The following CPHXL2 variants were observed in gnomAD, a reference collection of about 807,000 sequenced individuals.
The protein encoded by CPHXL2 is cytoplasmic polyadenylated homeobox like 2.
the CPHXL2 span, among the ~76,000 whole-genome samples, chr16:75,674,574 T>G: frequency 1.9e-3 from 289 of 152,218 alleles, 1 homozygote; most frequent in Non-Finnish European, 3.1e-3. Flanking sequence ...GCTAACTGCT[T>G]TGGAGAAATT....
At chr16:75,667,993 A>G in the CPHXL2 span, among the ~76,000 whole-genome samples, 1 of 152,116 alleles carries the variant, frequency 6.6e-6, no homozygotes. Context: ...CTACAGTCTC[A>G]TTAGTCCCAT....
the CPHXL2 span, among the ~76,000 whole-genome samples, chr16:75,670,727 G>A: frequency 6.6e-5 from 10 of 152,168 alleles, no homozygotes; most frequent in Non-Finnish European, 7.4e-5. Flanking sequence ...CAACTCTTGA[G>A]CTCAAGTGAT....
chr16:75,672,934 AG>A, the CPHXL2 span, among the ~76,000 whole-genome samples: 1 of 151,964 alleles, frequency 6.6e-6, no homozygotes, highest in African/African-American at 2.4e-5. Flanking sequence ...AAAACAAATT[AG>A]CATGTGTGGT....
chr16:75,666,821 A>G, the CPHXL2 span, among the ~76,000 whole-genome samples: 1 of 152,188 alleles, frequency 6.6e-6, no homozygotes, highest in Non-Finnish European at 1.5e-5. Context: ...GATAGACCAT[A>G]TGATAGGTCA....
the CPHXL2 span, among the ~76,000 whole-genome samples, chr16:75,672,727 C>A: frequency 6.6e-6 from 1 of 152,094 alleles, no homozygotes; most frequent in Non-Finnish European, 1.5e-5. Context: ...TAGGATCAAG[C>A]AATCCTCCTG....
At chr16:75,668,693 C>A in the CPHXL2 span, among the ~76,000 whole-genome samples, 1 of 151,938 alleles carries the variant, frequency 6.6e-6, no homozygotes, top group South Asian at 2.1e-4. Context: ...CTTACAAGAC[C>A]TAATACCTAA....
the CPHXL2 span, chr16:75,660,852 T>G: frequency 5.0e-6 from 2 of 398,576 alleles, no homozygotes; most frequent in Non-Finnish European, 8.8e-6. Flanking sequence ...ACCTCCATAC[T>G]CCAAAGCATA....
At chr16:75,674,134 G>A in the CPHXL2 span, among the ~76,000 whole-genome samples, 2 of 151,584 alleles carry the variant, frequency 1.3e-5, no homozygotes, top group African/African-American at 4.8e-5. Flanking sequence ...AGCACTTTGG[G>A]AGGCCAAGGG....
chr16:75,675,765 G>A, the CPHXL2 span, among the ~76,000 whole-genome samples: 67 of 152,252 alleles, frequency 4.4e-4, 1 homozygote, highest in Admixed American at 4.1e-3. Context: ...GACAAATACA[G>A]TGGTGGGGCA....
chr16:75,664,374 C>T, the CPHXL2 span, among the ~76,000 whole-genome samples: 1 of 152,034 alleles, frequency 6.6e-6, no homozygotes, highest in Non-Finnish European at 1.5e-5. Flanking sequence ...GCCTGTAATC[C>T]CAGCACTTTT....
chr16:75,665,688 C>A, the CPHXL2 span, among the ~76,000 whole-genome samples: 7 of 152,278 alleles, frequency 4.6e-5, no homozygotes, highest in African/African-American at 1.7e-4. Flanking sequence ...CATGGCGAAA[C>A]CCCAATTCTA....
At chr16:75,662,807 T>TC in the CPHXL2 span, among the ~76,000 whole-genome samples, 1 of 149,486 alleles carries the variant, frequency 6.7e-6, no homozygotes, top group African/African-American at 2.5e-5. Flanking sequence ...TTTTTTTTTT[T>TC]TTTTTTTTTG....
At chr16:75,673,885 T>C in the CPHXL2 span, among the ~76,000 whole-genome samples, 1 of 150,006 alleles carries the variant, frequency 6.7e-6, no homozygotes, top group Non-Finnish European at 1.5e-5. Context: ...GAGGCTGAGG[T>C]TGGAGGATCA....
the CPHXL2 span, among the ~76,000 whole-genome samples, chr16:75,671,895 A>G: frequency 6.6e-6 from 1 of 152,192 alleles, no homozygotes; most frequent in Non-Finnish European, 1.5e-5. Flanking sequence ...GCAGCCATGT[A>G]AGGATGGCTT....
At chr16:75,665,826 C>T in the CPHXL2 span, among the ~76,000 whole-genome samples, 13 of 152,196 alleles carry the variant, frequency 8.5e-5, no homozygotes, top group African/African-American at 3.1e-4. Flanking sequence ...GACTGCACCA[C>T]TGCACTCCAG....
At chr16:75,666,642 TC>T in the CPHXL2 span, among the ~76,000 whole-genome samples, 1 of 141,108 alleles carries the variant, frequency 7.1e-6, no homozygotes, top group Non-Finnish European at 1.5e-5. Context: ...ATGGAGGACA[TC>T]AATACTTCAC....
At chr16:75,673,075 C>CAAAAAAAAAAAAAAAAAAAA in the CPHXL2 span, among the ~76,000 whole-genome samples, 2 of 73,172 alleles carry the variant, frequency 2.7e-5, no homozygotes, top group Non-Finnish European at 2.5e-5. Context: ...GACCTTGTCT[C>CAAAAAAAAAAAAAAAAAAAA]AAAAAAAAAA....
the CPHXL2 span, among the ~76,000 whole-genome samples, chr16:75,667,398 C>A: frequency 6.6e-6 from 1 of 151,404 alleles, no homozygotes; most frequent in Non-Finnish European, 1.5e-5. Flanking sequence ...AAAACCTGAT[C>A]TGTATTCTTA....
At chr16:75,661,397 A>T in the CPHXL2 span, 2 of 396,088 alleles carry the variant, frequency 5.0e-6, no homozygotes, top group African/African-American at 2.1e-5. Flanking sequence ...CTTATAAAAA[A>T]TAAGACAATC....
Sources: allele counts gnomAD v4.1 joint callset (sites outside exome capture counted in the v4.1 genomes callset), GRCh38; gene constraint gnomAD v4.1.1; transcripts MANE v1.5; gene names NCBI Gene and HGNC (gene_info 2026-07-23, HGNC 2026-07-21).